The following SYNDIG1 variants were observed in gnomAD, a reference collection of about 807,000 sequenced individuals.
The protein encoded by SYNDIG1 is synapse differentiation-inducing gene protein 1.
Under a neutral mutation model 19.4 loss-of-function variants are expected in SYNDIG1, and 9 were observed. That is an observed-to-expected ratio of 0.46 (90% CI 0.28 to 0.81). The LOEUF (loss-of-function observed/expected upper bound fraction) is 0.81, where lower values mean the gene tolerates loss of function less well. SYNDIG1 is among the 30% of genes least tolerant of loss of function. The pLI, the probability that SYNDIG1 is intolerant of heterozygous loss-of-function variation, is 0.12. For synonymous variants in SYNDIG1, 141 were observed against 145.9 expected (o/e 0.97, Z 0.24); for missense variants, 311 against 343.3 (o/e 0.91, Z 0.74).
intron 2 of SYNDIG1, among the ~76,000 whole-genome samples, chr20:24,577,480 T>C (rs1056853210): frequency 2.0e-5 from 3 of 152,230 alleles, no homozygotes; most frequent in Non-Finnish European, 2.9e-5. Context: ...GACACGGGCC[T>C]CACCCACGTG....
chr20:24,645,858 T>A (rs972368469), intron 3 of SYNDIG1, among the ~76,000 whole-genome samples: 1 of 152,196 alleles, frequency 6.6e-6, no homozygotes, highest in Non-Finnish European at 1.5e-5. Flanking sequence ...GGTTCTCTCC[T>A]CCCTAACACA....
chr20:24,531,014 T>C (rs978532087), intron 1 of SYNDIG1, among the ~76,000 whole-genome samples: 4 of 152,130 alleles, frequency 2.6e-5, no homozygotes, highest in Admixed American at 1.3e-4. Context: ...TTCACCATGT[T>C]GACCAGGCTG....
chr20:24,481,715 C>T (rs1209078693), intron 1 of SYNDIG1, among the ~76,000 whole-genome samples: 2 of 152,160 alleles, frequency 1.3e-5, no homozygotes, highest in Non-Finnish European at 2.9e-5. Flanking sequence ...CAGATGCCAG[C>T]CCCAAGAGCC....
chr20:24,476,650 A>G (rs2055635130), intron 1 of SYNDIG1, among the ~76,000 whole-genome samples: 1 of 152,042 alleles, frequency 6.6e-6, no homozygotes, highest in African/African-American at 2.4e-5. Context: ...AGCCTGGGTG[A>G]CAGAGCAAGA....
At chr20:24,500,333 A>C (rs2056408831) in intron 1 of SYNDIG1, among the ~76,000 whole-genome samples, 1 of 152,206 alleles carries the variant, frequency 6.6e-6, no homozygotes, top group Non-Finnish European at 1.5e-5. Context: ...CTATGTTGCC[A>C]AAGAAAGGAT....
intron 1 of SYNDIG1, among the ~76,000 whole-genome samples, chr20:24,478,151 C>T (rs1600380895): frequency 6.6e-6 from 1 of 152,358 alleles, no homozygotes; most frequent in East Asian, 1.9e-4. Context: ...ATAAAGGGAG[C>T]TCAAACCCGA....
intron 2 of SYNDIG1, 138 bp from the exon 3 acceptor site, chr20:24,584,718 C>G (rs1267294354): frequency 2.5e-6 from 3 of 1,192,184 alleles, no homozygotes; most frequent in Non-Finnish European, 2.4e-6. Context: ...AACGATGACT[C>G]GAACAACGTC....
At chr20:24,544,363 C>T (rs980066215) in intron 2 of SYNDIG1, among the ~76,000 whole-genome samples, 11 of 152,118 alleles carry the variant, frequency 7.2e-5, no homozygotes, top group East Asian at 5.8e-4. Context: ...TTTCCCAGGA[C>T]GCGATGTCAG....
At chr20:24,649,177 T>G (rs537672539) in intron 3 of SYNDIG1, among the ~76,000 whole-genome samples, 21 of 152,266 alleles carry the variant, frequency 1.4e-4, no homozygotes, top group African/African-American at 4.6e-4. Context: ...GGAGACATCC[T>G]GTTGAGGAGA....
chr20:24,494,421 T>C (rs2056242857), intron 1 of SYNDIG1, among the ~76,000 whole-genome samples: 1 of 151,866 alleles, frequency 6.6e-6, no homozygotes. Flanking sequence ...ATCATCGAAG[T>C]GGGGCGTGAC....
chr20:24,594,781 G>T (rs377630199), intron 3 of SYNDIG1, among the ~76,000 whole-genome samples: 3 of 151,978 alleles, frequency 2.0e-5, no homozygotes, highest in Admixed American at 2.0e-4. Context: ...TATTCTATTC[G>T]TGGCTATTGT....
At chr20:24,593,098 A>G (rs1206411740) in intron 3 of SYNDIG1, among the ~76,000 whole-genome samples, 1 of 152,192 alleles carries the variant, frequency 6.6e-6, no homozygotes, top group Non-Finnish European at 1.5e-5. Context: ...GTAGATGTAC[A>G]GGTTTGTTAT....
chr20:24,560,694 C>CTTTTTTTTTTTTTT (rs10658853), intron 2 of SYNDIG1, among the ~76,000 whole-genome samples: 1 of 113,822 alleles, frequency 8.8e-6, no homozygotes, highest in African/African-American at 3.3e-5. Flanking sequence ...CTGTTGACTA[C>CTTTTTTTTTTTTTT]TTTTTTTTTT....
intron 1 of SYNDIG1, among the ~76,000 whole-genome samples, chr20:24,492,320 G>A (rs1388836955): frequency 6.6e-6 from 1 of 152,222 alleles, no homozygotes; most frequent in Non-Finnish European, 1.5e-5. Context: ...AGTTGCTAAG[G>A]GGTGGCTAGG....
chr20:24,575,551 C>T (rs2058213593), intron 2 of SYNDIG1, among the ~76,000 whole-genome samples: 1 of 152,174 alleles, frequency 6.6e-6, no homozygotes, highest in South Asian at 2.1e-4. Context: ...CAAACGCTCA[C>T]AATGGGAACT....
intron 1 of SYNDIG1, among the ~76,000 whole-genome samples, chr20:24,490,973 C>G (rs1222795295): frequency 6.6e-6 from 1 of 152,198 alleles, no homozygotes; most frequent in Admixed American, 6.5e-5. Context: ...ACTGAGCCCA[C>G]TTAGGGAGGT....
chr20:24,492,986 G>A (rs1341434700), intron 1 of SYNDIG1, among the ~76,000 whole-genome samples: 2 of 152,238 alleles, frequency 1.3e-5, no homozygotes, highest in Non-Finnish European at 2.9e-5. Context: ...AATGACTGGA[G>A]AAGAGAAAAT....
intron 1 of SYNDIG1, among the ~76,000 whole-genome samples, chr20:24,472,714 C>T (rs538269465): frequency 5.3e-5 from 8 of 152,290 alleles, no homozygotes; most frequent in East Asian, 1.9e-4. Context: ...AGGCATGGCA[C>T]GCAGGGAGGC....
chr20:24,470,335 G>A (rs1198617725), intron 1 of SYNDIG1, among the ~76,000 whole-genome samples: 4 of 152,202 alleles, frequency 2.6e-5, no homozygotes, highest in Non-Finnish European at 5.9e-5. Flanking sequence ...GTGCAAGCGC[G>A]CTTGGGATGG....
Sources: gnomAD v4.1 joint callset for allele counts (sites outside exome capture counted in the v4.1 genomes callset) on GRCh38, gnomAD v4.1.1 for gene constraint, MANE v1.5 for transcripts, NCBI Gene and HGNC (gene_info 2026-07-23, HGNC 2026-07-21) for gene names.